GLCE: variants seen among roughly 807,000 people sequenced by gnomAD.
The protein encoded by GLCE is D-glucuronyl C5-epimerase.
GLCE carries 19 observed loss-of-function variants against 47.9 expected under a neutral mutation model. The observed-to-expected ratio is 0.40, with a 90% CI of 0.28 to 0.58. The LOEUF is 0.58. Among genes scored for constraint, GLCE ranks in the 20% least tolerant of loss-of-function variants. GLCE has a pLI of 0.48. For missense variants in GLCE, 556 were observed against 743.3 expected (o/e 0.75, Z 2.93); for synonymous variants, 245 against 263.4 (o/e 0.93, Z 0.68).
intron 2 of GLCE, among the ~76,000 whole-genome samples, chr15:69,219,394 AT>A (rs541627778): frequency 1.2e-4 from 18 of 152,104 alleles, no homozygotes; most frequent in South Asian, 4.2e-4. Flanking sequence ...ATAATTTAAT[AT>A]TTTTTTTAAT....
chr15:69,268,194 C>G (rs1298459581), intron 4 of GLCE, 26 bp from the exon 5 acceptor site: 1 of 1,469,976 alleles, frequency 6.8e-7, no homozygotes, highest in Non-Finnish European at 9.2e-7. Flanking sequence ...TCTAACCAGT[C>G]TTTGTTGGTA....
At chr15:69,243,502 G>A (rs1419134222) in intron 2 of GLCE, among the ~76,000 whole-genome samples, 3 of 151,086 alleles carry the variant, frequency 2.0e-5, no homozygotes, top group African/African-American at 4.9e-5. Context: ...ACTTTGGGAG[G>A]CTAAAAGGAT....
intron 1 of GLCE, among the ~76,000 whole-genome samples, chr15:69,191,234 G>T (rs2051908811): frequency 6.6e-6 from 1 of 152,012 alleles, no homozygotes; most frequent in African/African-American, 2.4e-5. Context: ...TTATTGTGCA[G>T]TTCTACTGGT....
chr15:69,236,899 A>G lies in GLCE; in HGVS notation c.-13-18895A>G, dbSNP rs1238335320. On this transcript the variant is annotated intron_variant, in intron 2 of 4. Coordinates refer to ENST00000261858, the MANE Select transcript of GLCE (RefSeq NM_015554.3). ...ATGAGAATTAAGTGGGATTACATTA[A>G]TAAGGACTCAAAACTGCTGCTAGTC... is the stretch of plus-strand genomic sequence containing the variant. 2.0e-5 allele frequency among the ~76,000 whole-genome samples: 3 copies of G among 152,208 alleles called. No homozygotes were observed. In the South Asian group the frequency reaches 6.2e-4, roughly 32 times the overall value.
intron 2 of GLCE, among the ~76,000 whole-genome samples, chr15:69,254,793 C>T (rs910683012): frequency 6.6e-6 from 1 of 152,164 alleles, no homozygotes; most frequent in Non-Finnish European, 1.5e-5. Context: ...GTATCTGCAG[C>T]TCTGAAGAAA....
chr15:69,171,986 A>G (rs1047978113), intron 1 of GLCE, among the ~76,000 whole-genome samples: 3 of 152,226 alleles, frequency 2.0e-5, no homozygotes, highest in African/African-American at 4.8e-5. Context: ...TTTGAAATAT[A>G]TCTTTATAGG....
intron 1 of GLCE, among the ~76,000 whole-genome samples, chr15:69,164,208 G>A (rs1194879113): frequency 6.6e-6 from 1 of 151,880 alleles, no homozygotes; most frequent in Non-Finnish European, 1.5e-5. Flanking sequence ...TGAAGCATAC[G>A]AACCATACAA....
At chr15:69,170,843 A>C (rs761143462) in intron 1 of GLCE, among the ~76,000 whole-genome samples, 42 of 152,230 alleles carry the variant, frequency 2.8e-4, no homozygotes, top group Non-Finnish European at 5.4e-4. Flanking sequence ...TTCTGTTTAT[A>C]GTACTGATTC....
At chr15:69,233,036 C>T (rs959138604) in intron 2 of GLCE, among the ~76,000 whole-genome samples, 3 of 152,112 alleles carry the variant, frequency 2.0e-5, no homozygotes, top group Non-Finnish European at 1.5e-5. Flanking sequence ...ACTTACTTAA[C>T]ATTGATTATT....
chr15:69,255,430 C>T (rs2052907345), intron 2 of GLCE, among the ~76,000 whole-genome samples: 1 of 151,996 alleles, frequency 6.6e-6, no homozygotes, highest in African/African-American at 2.4e-5. Flanking sequence ...TGAGAAAAAT[C>T]CAAAATCCAA....
At chr15:69,235,865 C>T (rs1231128163) in intron 2 of GLCE, among the ~76,000 whole-genome samples, 1 of 152,128 alleles carries the variant, frequency 6.6e-6, no homozygotes, top group Non-Finnish European at 1.5e-5. Flanking sequence ...CGGATGAATA[C>T]AGTCATTTAA....
chr15:69,242,727 T>C (rs918544279), intron 2 of GLCE, among the ~76,000 whole-genome samples: 2 of 152,064 alleles, frequency 1.3e-5, no homozygotes, highest in African/African-American at 4.8e-5. Flanking sequence ...TTATTCTTTC[T>C]GCCTAGTTTA....
chr15:69,247,803 G>T (rs1184345145), intron 2 of GLCE, among the ~76,000 whole-genome samples: 1 of 152,148 alleles, frequency 6.6e-6, no homozygotes, highest in East Asian at 1.9e-4. Context: ...TCGGGGAACA[G>T]CTGGTCATTG....
At chr15:69,185,735 G>A (rs544864935) in intron 1 of GLCE, among the ~76,000 whole-genome samples, 1 of 152,016 alleles carries the variant, frequency 6.6e-6, no homozygotes, top group African/African-American at 2.4e-5. Flanking sequence ...TACACACCAA[G>A]CAGTGCACAT....
At chr15:69,210,696 A>T (rs978209003) in intron 2 of GLCE, among the ~76,000 whole-genome samples, 8 of 152,154 alleles carry the variant, frequency 5.3e-5, no homozygotes, top group African/African-American at 1.4e-4. Flanking sequence ...ATGATTATAC[A>T]TTCACTGGAA....
chr15:69,178,230 C>A (rs551930178), intron 1 of GLCE, among the ~76,000 whole-genome samples: 6 of 151,876 alleles, frequency 4.0e-5, no homozygotes, highest in African/African-American at 4.8e-5. Context: ...AGAGTAAGAT[C>A]AAAAATCCAA....
rs894753434 is a variant in GLCE at position 69,269,454 on chromosome 15, T to A, written c.*210T>A. ...AATGTAGGTGGCATTTAGAACACAA[T>A]GTTTAATCAATGGGCTGAACAAAGA... On this transcript the variant is annotated 3_prime_UTR_variant, in exon 5 of 5. Transcript: ENST00000261858. 1.7e-6 allele frequency: 1 copy of A among 571,806 alleles called. No individual in the cohort carries two copies. Among genetic ancestry groups the A allele is most frequent in the Admixed American group, 3.2e-5 (1 of 31,734 alleles). 35.4% of individuals were successfully genotyped at this position (571,806 alleles called of 1,614,324 possible).
At chr15:69,196,231 A>C (rs1441971622) in intron 1 of GLCE, among the ~76,000 whole-genome samples, 1 of 152,092 alleles carries the variant, frequency 6.6e-6, no homozygotes. Context: ...ACTGAAGTGG[A>C]GTGAGCATGG....
rs77208383 is a variant in GLCE at position 69,214,186 on chromosome 15, G to T, written c.-14+3780G>T. ...CATCTGGGTGCTAGGTATGTTCATT[G>T]CTACCGAGGAGTTACTGCTTTTAGG... is the stretch of plus-strand genomic sequence containing the variant. On this transcript the variant is annotated intron_variant, in intron 2 of 4. Transcript: ENST00000261858. Among the ~76,000 whole-genome samples the T allele has an allele frequency of 2.0e-5, 3 of 152,184 alleles. No homozygotes were observed. The East Asian group carries it at 5.8e-4, about 29-fold the overall frequency.
Sources: allele counts gnomAD v4.1 joint callset (sites outside exome capture counted in the v4.1 genomes callset), GRCh38; gene constraint gnomAD v4.1.1; transcripts MANE v1.5; gene names NCBI Gene and HGNC (gene_info 2026-07-23, HGNC 2026-07-21).